Variants in ADAMTS19 observed in about 807,000 individuals in gnomAD.
ADAMTS19 encodes the protein A disintegrin and metalloproteinase with thrombospondin motifs 19.
In ADAMTS19, 93 loss-of-function variants were observed where a neutral mutation model predicts 153.3. The ratio of observed to expected loss-of-function variants is 0.61; its 90% confidence interval spans 0.51 to 0.72. The LOEUF is 0.72. ADAMTS19 is among the 30% of genes least tolerant of loss of function. The pLI is 0.00. For synonymous variants in ADAMTS19, 600 were observed against 556.6 expected, an observed-to-expected ratio of 1.08 and a Z score of -1.10; for missense variants, 1,482 against 1,552.1, an observed-to-expected ratio of 0.95 and a Z score of 0.76.
At chr5:129,558,867 A>C (rs954388637) in intron 7 of ADAMTS19, among the ~76,000 whole-genome samples, 2 of 152,116 alleles carry the variant, frequency 1.3e-5, no homozygotes, top group African/African-American at 4.8e-5. Flanking sequence ...CATGAAAAAA[A>C]TTTGAGATTA....
chr5:129,653,043 GAAGCC>G (rs1209184834), intron 13 of ADAMTS19, among the ~76,000 whole-genome samples: 1 of 152,126 alleles, frequency 6.6e-6, no homozygotes, highest in Non-Finnish European at 1.5e-5. Flanking sequence ...GCAGTATTCA[GAAGCC>G]ACATGTGAAA....
chr5:129,551,904 G>C lies in ADAMTS19; in HGVS notation c.1369G>C (p.Val457Leu). The change falls in exon 7 of 23, where the codon GTT becomes CTT. Residue 457 changes from valine to leucine, a missense_variant. Around this residue, in one of 2 missense-constraint regions of ADAMTS19, gnomAD observed 866 missense variants for 827.7 expected, o/e 1.05. Coordinates refer to ENST00000274487, the MANE Select transcript of ADAMTS19 (RefSeq NM_133638.6). ...GCACAAAGATGAACCATGTGATACT[G>C]TTGGTAAGTGTGAAAATTCTCACAC... ...CVHKDEPCDT[V>L]GIAYLSGMCS... The C allele has an allele frequency of 6.4e-7, 1 of 1,568,704 alleles. No individual in the cohort carries two copies. Among genetic ancestry groups the C allele is most frequent in the East Asian group, 2.4e-5 (1 of 42,286 alleles).
intron 18 of ADAMTS19, among the ~76,000 whole-genome samples, chr5:129,693,687 A>G (rs1393204313): frequency 2.0e-5 from 3 of 152,160 alleles, no homozygotes; most frequent in African/African-American, 2.4e-5. Context: ...GATGAATAAT[A>G]TAACTCCTGT....
intron 21 of ADAMTS19, among the ~76,000 whole-genome samples, chr5:129,717,370 A>T (rs1426780657): frequency 6.6e-6 from 1 of 152,072 alleles, no homozygotes; most frequent in East Asian, 1.9e-4. Flanking sequence ...GATTTTTCTG[A>T]CTCTAATTTG....
chr5:129,469,081 T>G (rs1749974977), intron 2 of ADAMTS19, among the ~76,000 whole-genome samples: 1 of 152,066 alleles, frequency 6.6e-6, no homozygotes, highest in Non-Finnish European at 1.5e-5. Flanking sequence ...CAGGCCATCT[T>G]TTACTTATTT....
At chr5:129,537,578 A>G (rs573410646) in intron 6 of ADAMTS19, among the ~76,000 whole-genome samples, 1 of 152,282 alleles carries the variant, frequency 6.6e-6, no homozygotes, top group South Asian at 2.1e-4. Context: ...CATCTACACC[A>G]TGGAATACTA....
At chr5:129,677,615 G>C (rs919032775) in intron 16 of ADAMTS19, among the ~76,000 whole-genome samples, 2 of 152,096 alleles carry the variant, frequency 1.3e-5, no homozygotes, top group Admixed American at 6.5e-5. Context: ...CACTTCCCAG[G>C]GGAACCAATT....
intron 21 of ADAMTS19, among the ~76,000 whole-genome samples, chr5:129,715,497 A>G (rs1441808048): frequency 6.6e-6 from 1 of 152,202 alleles, no homozygotes; most frequent in East Asian, 1.9e-4. Flanking sequence ...GTAACTATGT[A>G]AGTGCTGGCT....
Position 129,508,974 on chromosome 5 carries a change from G to C in ADAMTS19, c.748-103G>C. 6 of 927,760 alleles carry C rather than the reference G, an allele frequency of 6.5e-6. No individual in the cohort carries two copies. In the South Asian group the frequency reaches 1.2e-4, roughly 18 times the overall value. 57.5% of individuals were successfully genotyped at this position (927,760 alleles called of 1,614,324 possible). On this transcript the variant is annotated intron_variant, in intron 2 of 22. Coordinates refer to ENST00000274487, the MANE Select transcript of ADAMTS19 (RefSeq NM_133638.6). ...GCTAAGTTAGTTTCACTAGAAGACT[G>C]TATGCATGTTTGTTAACAAAAACAG...
chr5:129,648,219 TAAGA>T (rs771684414), intron 12 of ADAMTS19, among the ~76,000 whole-genome samples: 25 of 152,186 alleles, frequency 1.6e-4, no homozygotes, highest in Admixed American at 6.5e-4. Flanking sequence ...AGAAGGATGA[TAAGA>T]AAGAGAATGA....
chr5:129,671,738 G>A (rs536475876), intron 16 of ADAMTS19, among the ~76,000 whole-genome samples: 6 of 151,668 alleles, frequency 4.0e-5, no homozygotes, highest in Non-Finnish European at 7.4e-5. Context: ...TGTCTTGTTC[G>A]TAATTTATCA....
chr5:129,590,607 A>T (rs1007906331), intron 7 of ADAMTS19, among the ~76,000 whole-genome samples: 2 of 152,190 alleles, frequency 1.3e-5, no homozygotes, highest in African/African-American at 4.8e-5. Context: ...ATATTTTTTT[A>T]AAAATAGAAA....
chr5:129,718,674 C>T lies in ADAMTS19; in HGVS notation c.3312+14283C>T, dbSNP rs113637515. Among the ~76,000 whole-genome samples, 9 of 152,194 alleles carry T rather than the reference C, an allele frequency of 5.9e-5. 3 individuals are homozygous for T. Among genetic ancestry groups the T allele is most frequent in the African/African-American group, 2.2e-4 (9 of 41,548 alleles). ...CATCATTTGGTTTCCTTATGAGGTC[C>T]TCTCTCCACTGTGAATGCTATTTCT... On this transcript the variant is annotated intron_variant, in intron 21 of 22. Coordinates refer to ENST00000274487, the MANE Select transcript of ADAMTS19 (RefSeq NM_133638.6).
intron 21 of ADAMTS19, among the ~76,000 whole-genome samples, chr5:129,720,175 T>TA (rs1184615168): frequency 7.7e-4 from 90 of 116,538 alleles, no homozygotes; most frequent in African/African-American, 4.8e-3. Context: ...TATATATTTA[T>TA]TTTTTTTTTT....
Position 129,658,631 on chromosome 5 carries a change from TG to T in ADAMTS19, c.2321del (p.Gly774ValfsTer3), listed in dbSNP as rs1753694262. 1 of 1,611,428 alleles carries T rather than the reference TG, an allele frequency of 6.2e-7. No homozygotes were observed. The highest frequency in any genetic ancestry group is 8.5e-7 in the Non-Finnish European group (1 of 1,179,044). On this transcript the variant is annotated frameshift_variant, in exon 15 of 23. Transcript: ENST00000274487. LOFTEE classifies it high-confidence loss of function. ...TCTTGTTACAGAAAGTTGGCTGTGATGGTTTATTAGGGTCTCTTGCAAGAGA... is the reference window on the plus strand; with the variant it reads ...TCTTGTTACAGAAAGTTGGCTGTGATGTTTATTAGGGTCTCTTGCAAGAGA... The part of the protein sequence containing the change: ...NGRCQKVGCD[G>X]LLGSLAREDH...
At chr5:129,495,483 G>T (rs1319683092) in intron 2 of ADAMTS19, among the ~76,000 whole-genome samples, 1 of 152,052 alleles carries the variant, frequency 6.6e-6, no homozygotes, top group Non-Finnish European at 1.5e-5. Context: ...GCAGAAAAAG[G>T]TGCTTAAGAT....
Position 129,533,449 on chromosome 5 carries a change from T to A in ADAMTS19, c.1328+4772T>A, listed in dbSNP as rs149862782. ...GGGATCGGTGGTGATATCCCCTTTG[T>A]CATCTTTTATTGCGTCTATTTGATT... is the stretch of plus-strand genomic sequence containing the variant. On this transcript the variant is annotated intron_variant, in intron 6 of 22. Coordinates refer to ENST00000274487, the MANE Select transcript of ADAMTS19 (RefSeq NM_133638.6). 3.2e-3 allele frequency among the ~76,000 whole-genome samples: 482 copies of A among 152,294 alleles called. 13 individuals carry two copies. The highest frequency in any genetic ancestry group is 0.026 in the Admixed American group (391 of 15,286).
At chr5:129,587,592 G>A (rs1220073497) in intron 7 of ADAMTS19, among the ~76,000 whole-genome samples, 2 of 152,166 alleles carry the variant, frequency 1.3e-5, no homozygotes, top group African/African-American at 4.8e-5. Flanking sequence ...TGTGTCACAA[G>A]TTCACATGGA....
At chr5:129,716,186 TA>T (rs1454019440) in intron 21 of ADAMTS19, among the ~76,000 whole-genome samples, 6 of 152,238 alleles carry the variant, frequency 3.9e-5, no homozygotes, top group Admixed American at 2.6e-4. Flanking sequence ...CATTTTTATT[TA>T]TTTTTTTTGT....
Sources: allele counts gnomAD v4.1 joint callset (sites outside exome capture counted in the v4.1 genomes callset), GRCh38; gene constraint gnomAD v4.1.1; regional missense constraint gnomAD v4.1.1; transcripts MANE v1.5; gene names NCBI Gene and HGNC (gene_info 2026-07-23, HGNC 2026-07-21).